SHMT1: variants seen among roughly 807,000 people sequenced by gnomAD.
SHMT1 encodes the protein serine hydroxymethyltransferase 1, also known as serine hydroxymethyltransferase, cytosolic.
SHMT1 carries 45 observed loss-of-function variants against 49.0 expected under a neutral mutation model. The observed-to-expected ratio is 0.92, with a 90% CI of 0.72 to 1.18. SHMT1 has a LOEUF of 1.18. SHMT1 is among the 50% of genes most tolerant of loss of function. The pLI, the probability that SHMT1 is intolerant of heterozygous loss-of-function variation, is 0.00. For missense variants in SHMT1, 541 were observed against 612.4 expected (o/e 0.88, Z 1.23); for synonymous variants, 232 against 246.6 (o/e 0.94, Z 0.55).
intron 5 of SHMT1, 22 bp downstream of exon 5, chr17:18,347,474 T>A (rs545535156): frequency 1.9e-6 from 3 of 1,613,148 alleles, no homozygotes; most frequent in Non-Finnish European, 2.5e-6. Flanking sequence ...AAATAAAAGC[T>A]AGGAGAGAAA....
chr17:18,350,879 C>A (rs1460116418), intron 3 of SHMT1, among the ~76,000 whole-genome samples: 3 of 151,334 alleles, frequency 2.0e-5, no homozygotes, highest in African/African-American at 7.3e-5. Flanking sequence ...ATTACAGGCA[C>A]GCACCTCCAC....
intron 3 of SHMT1, among the ~76,000 whole-genome samples, chr17:18,352,233 C>A (rs1276899513): frequency 1.3e-5 from 2 of 150,364 alleles, no homozygotes; most frequent in South Asian, 2.1e-4. Flanking sequence ...GCAAGCTCTG[C>A]CCCCTGGGGT....
At chr17:18,339,584 G>A (rs1055996023) in intron 7 of SHMT1, among the ~76,000 whole-genome samples, 5 of 149,336 alleles carry the variant, frequency 3.3e-5, no homozygotes, top group African/African-American at 9.9e-5. Context: ...TTTTTGAGAC[G>A]GCATCTCGCT....
At chr17:18,356,493 G>A (rs573529505) in intron 1 of SHMT1, among the ~76,000 whole-genome samples, 7 of 152,024 alleles carry the variant, frequency 4.6e-5, no homozygotes, top group Admixed American at 3.9e-4. Flanking sequence ...GCGCCACTAC[G>A]CCTGGCTAAT....
At chr17:18,363,080 G>A (rs1986920219) in intron 1 of SHMT1, 1 of 152,292 alleles carries the variant, frequency 6.6e-6, no homozygotes, top group Admixed American at 6.5e-5. Context: ...CGAGAAAAGT[G>A]TTCAGTGGAG....
chr17:18,330,144 T>C (rs1203825038), intron 10 of SHMT1, among the ~76,000 whole-genome samples: 1 of 151,290 alleles, frequency 6.6e-6, no homozygotes, highest in African/African-American at 2.4e-5. Flanking sequence ...TGGCCCAGTT[T>C]TTTTTTTTTT....
At chr17:18,352,367 C>T (rs1393932927) in intron 3 of SHMT1, among the ~76,000 whole-genome samples, 2 of 152,008 alleles carry the variant, frequency 1.3e-5, no homozygotes, top group African/African-American at 2.4e-5. Flanking sequence ...AGGATGGTCT[C>T]GATCTCCTGA....
chr17:18,334,173 C>T (rs1225571983), intron 8 of SHMT1, among the ~76,000 whole-genome samples: 1 of 152,168 alleles, frequency 6.6e-6, no homozygotes, highest in African/African-American at 2.4e-5. Flanking sequence ...AACTCCTGAC[C>T]TCAAGTGATC....
intron 7 of SHMT1, among the ~76,000 whole-genome samples, chr17:18,339,327 A>G (rs1209369331): frequency 3.3e-5 from 5 of 152,194 alleles, no homozygotes; most frequent in Non-Finnish European, 5.9e-5. Context: ...TTTGAGAAAC[A>G]TGATGGATCA....
At chr17:18,358,869 T>G (rs1425294416) in intron 1 of SHMT1, among the ~76,000 whole-genome samples, 1 of 152,240 alleles carries the variant, frequency 6.6e-6, no homozygotes, top group Non-Finnish European at 1.5e-5. Context: ...TGGCAGTGCA[T>G]TCCAGCCTGG....
At chr17:18,361,312 AAAAC>A (rs1986747277) in intron 1 of SHMT1, among the ~76,000 whole-genome samples, 5 of 149,948 alleles carry the variant, frequency 3.3e-5, no homozygotes, top group African/African-American at 9.8e-5. Context: ...AAAAAAAAAA[AAAAC>A]AAAAACAAAA....
At chr17:18,339,927 A>T (rs746102966) in intron 7 of SHMT1, 116 bp downstream of exon 7, 49 of 1,024,748 alleles carry the variant, frequency 4.8e-5, no homozygotes, top group Non-Finnish European at 5.6e-5. Flanking sequence ...TGGGATCTTA[A>T]TATTTTCCAA....
intron 10 of SHMT1, among the ~76,000 whole-genome samples, chr17:18,330,277 G>A (rs578040058): frequency 1.4e-4 from 21 of 151,912 alleles, no homozygotes; most frequent in Non-Finnish European, 2.4e-4. Flanking sequence ...CTGGGATTAC[G>A]GGCATGCACC....
At chr17:18,347,170 TG>T (rs1985168538) in intron 5 of SHMT1, among the ~76,000 whole-genome samples, 1 of 152,208 alleles carries the variant, frequency 6.6e-6, no homozygotes, top group Admixed American at 6.5e-5. Flanking sequence ...TGGCTGTTGC[TG>T]GGGTCCAACT....
chr17:18,335,720 C>T (rs1983720782), intron 7 of SHMT1, 45 bp from the exon 8 acceptor site: 2 of 1,390,388 alleles, frequency 1.4e-6, no homozygotes, highest in Admixed American at 1.7e-5. Context: ...GGGCTGTCCC[C>T]TCTTTTTCTT....
At position 18,330,856 on chromosome 17, in the gene SHMT1, G is replaced by A. The variant is rs1448813840; in HGVS notation, c.1055-185C>T. The A allele has an allele frequency of 6.3e-5, 41 of 653,544 alleles. 1 individual carries two copies. The highest frequency in any genetic ancestry group is 5.6e-4 in the South Asian group (36 of 63,858). 40.5% of individuals were successfully genotyped at this position (653,544 alleles called of 1,614,324 possible). On this transcript the variant is annotated intron_variant, in intron 9 of 11. Transcript: ENST00000316694. ...CCCGTGCCTAAGAATGTGAAAGGAA[G>A]GACAGAGCACTTTTGAAAGGGGTAA...
At chr17:18,329,464 G>T in intron 10 of SHMT1, 76 bp from the exon 11 acceptor site, 2 of 1,175,288 alleles carry the variant, frequency 1.7e-6, no homozygotes, top group Non-Finnish European at 2.5e-6. Context: ...AAAGGGACAT[G>T]TGGGCAAAAG....
intron 3 of SHMT1, among the ~76,000 whole-genome samples, chr17:18,350,846 C>T (rs1165654284): frequency 2.0e-5 from 3 of 151,324 alleles, no homozygotes; most frequent in African/African-American, 7.3e-5. Context: ...GATTCTCCTA[C>T]CTCAGCCTCC....
At chr17:18,348,527 A>G (rs1388804757) in intron 3 of SHMT1, 87 bp from the exon 4 acceptor site, 1 of 912,534 alleles carries the variant, frequency 1.1e-6, no homozygotes, top group Non-Finnish European at 1.8e-6. Flanking sequence ...GGGGTGGGAC[A>G]GTGAAACTAA....
Sources: gnomAD v4.1 joint callset for allele counts (sites outside exome capture counted in the v4.1 genomes callset) on GRCh38, gnomAD v4.1.1 for gene constraint, MANE v1.5 for transcripts, NCBI Gene and HGNC (gene_info 2026-07-23, HGNC 2026-07-21) for gene names.